The following ZNF277 variants were observed in gnomAD, a reference collection of about 807,000 sequenced individuals.
ZNF277 encodes zinc finger protein 277, also known as nuclear receptor-interacting factor 4.
Under a neutral mutation model 60.7 loss-of-function variants are expected in ZNF277, and 55 were observed. That is an observed-to-expected ratio of 0.91 (90% CI 0.73 to 1.13). The LOEUF is 1.13. Among genes scored for constraint, ZNF277 ranks in the 50% most tolerant of loss-of-function variants. The pLI is 0.00. For synonymous variants in ZNF277, 178 were observed against 179.3 expected, an observed-to-expected ratio of 0.99 and a Z score of 0.06; for missense variants, 510 against 523.0, an observed-to-expected ratio of 0.98 and a Z score of 0.24.
At chr7:112,244,461 T>A (rs1254955558) in intron 1 of ZNF277, among the ~76,000 whole-genome samples, 1 of 152,136 alleles carries the variant, frequency 6.6e-6, no homozygotes, top group Non-Finnish European at 1.5e-5. Context: ...TAAGCACAAT[T>A]TTTTGGTTAT....
In ZNF277 at chr7:112,343,482, T is replaced by G. The variant is rs1793482843; in HGVS notation, c.*753T>G. On this transcript the variant is annotated 3_prime_UTR_variant, in exon 12 of 12. Coordinates refer to ENST00000361822, the MANE Select transcript of ZNF277 (RefSeq NM_021994.3). Reference sequence around the variant, plus strand: ...ATCATCTGTTTTCAGTTTTTCCCACTTGTCTCAAAATGTATGTTTACAATA... The same window carrying G: ...ATCATCTGTTTTCAGTTTTTCCCACGTGTCTCAAAATGTATGTTTACAATA... Among the ~76,000 whole-genome samples the G allele has an allele frequency of 6.6e-6, 1 of 152,196 alleles. No homozygotes were observed. Among genetic ancestry groups the G allele is most frequent in the Admixed American group, 6.5e-5 (1 of 15,276 alleles).
chr7:112,273,549 GA>G (rs1190285736), intron 1 of ZNF277, among the ~76,000 whole-genome samples: 1 of 152,174 alleles, frequency 6.6e-6, no homozygotes, highest in Non-Finnish European at 1.5e-5. Context: ...TGGTTCTTAT[GA>G]AGGTGCATTC....
At chr7:112,303,132 G>A (rs1332099798) in intron 4 of ZNF277, among the ~76,000 whole-genome samples, 1 of 151,686 alleles carries the variant, frequency 6.6e-6, no homozygotes, top group African/African-American at 2.4e-5. Context: ...TATATTTTTA[G>A]TAGAGACAGG....
At chr7:112,305,652 CA>C (rs1347366487) in intron 4 of ZNF277, among the ~76,000 whole-genome samples, 1 of 151,802 alleles carries the variant, frequency 6.6e-6, no homozygotes, top group Non-Finnish European at 1.5e-5. Flanking sequence ...GTATCCAAGT[CA>C]ACTGTTTTCA....
chr7:112,227,586 T>C (rs1161703084), intron 1 of ZNF277, among the ~76,000 whole-genome samples: 1 of 152,196 alleles, frequency 6.6e-6, no homozygotes, highest in Non-Finnish European at 1.5e-5. Flanking sequence ...CAGTTCACCA[T>C]GTAGGGAGAA....
chr7:112,341,007 C>G lies in ZNF277; in HGVS notation c.1145C>G (p.Thr382Ser). Residue 382 changes from threonine to serine, a missense_variant, in exon 11 of 12, where the codon ACT becomes AGT. Coordinates refer to ENST00000361822, the MANE Select transcript of ZNF277 (RefSeq NM_021994.3). ...LRTHMEETKH[T>S]SLLPDRKTWD... The stretch of plus-strand genomic sequence containing the variant: ...ACTCACATGGAAGAAACTAAACACA[C>G]TTCGCTGCTCCCCGATAGAAAGACG... 1.2e-6 allele frequency: 2 copies of G among 1,603,298 alleles called. No homozygotes were observed. The highest frequency in any genetic ancestry group is 1.7e-6 in the Non-Finnish European group (2 of 1,176,266).
chr7:112,206,951 C>A, intron 1 of ZNF277, 144 bp downstream of exon 1: 1 of 750,118 alleles, frequency 1.3e-6, no homozygotes, highest in Non-Finnish European at 2.0e-6. Context: ...GGTGGCCCAG[C>A]GGGATGGGTT....
chr7:112,319,358 G>A (rs952459141), intron 5 of ZNF277, among the ~76,000 whole-genome samples: 1 of 151,968 alleles, frequency 6.6e-6, no homozygotes, highest in Admixed American at 6.6e-5. Flanking sequence ...TAGAAACTTT[G>A]TGCTAGGGAC....
At chr7:112,292,623 A>G (rs1178773169) in intron 2 of ZNF277, among the ~76,000 whole-genome samples, 2 of 152,138 alleles carry the variant, frequency 1.3e-5, no homozygotes, top group Non-Finnish European at 2.9e-5. Context: ...ATTCGTCCCC[A>G]CATGACACTA....
intron 6 of ZNF277, among the ~76,000 whole-genome samples, chr7:112,329,232 T>C (rs1039230773): frequency 1.3e-5 from 2 of 152,214 alleles, no homozygotes; most frequent in Non-Finnish European, 2.9e-5. Flanking sequence ...GTTTCCCATG[T>C]AAAATATATT....
intron 4 of ZNF277, among the ~76,000 whole-genome samples, chr7:112,297,344 CT>C (rs1233233421): frequency 6.6e-6 from 1 of 152,134 alleles, no homozygotes. Flanking sequence ...TTGAAGTTGA[CT>C]TGCTGTTCCT....
At chr7:112,246,354 A>C (rs1401335492) in intron 1 of ZNF277, among the ~76,000 whole-genome samples, 1 of 152,158 alleles carries the variant, frequency 6.6e-6, no homozygotes, top group East Asian at 1.9e-4. Flanking sequence ...TGATCATGCC[A>C]CTGCACTCCA....
At chr7:112,248,553 G>A (rs930152152) in intron 1 of ZNF277, among the ~76,000 whole-genome samples, 16 of 151,864 alleles carry the variant, frequency 1.1e-4, no homozygotes, top group Non-Finnish European at 7.4e-5. Context: ...ACACTAGAAA[G>A]TATAAAGGAA....
At chr7:112,226,919 C>T (rs772736638) in intron 1 of ZNF277, among the ~76,000 whole-genome samples, 7 of 152,080 alleles carry the variant, frequency 4.6e-5, no homozygotes, top group Non-Finnish European at 1.0e-4. Context: ...TTGTTATTCA[C>T]TCCTATTAGC....
intron 7 of ZNF277, among the ~76,000 whole-genome samples, chr7:112,333,563 A>G (rs1015590994): frequency 6.6e-6 from 1 of 152,186 alleles, no homozygotes; most frequent in East Asian, 1.9e-4. Context: ...CAGCGCAACA[A>G]TGATGGGAAC....
chr7:112,299,267 G>C (rs1792421243), intron 4 of ZNF277, among the ~76,000 whole-genome samples: 2 of 152,156 alleles, frequency 1.3e-5, no homozygotes, highest in African/African-American at 2.4e-5. Flanking sequence ...TTACAAATCA[G>C]TAAGAAGCAT....
chr7:112,239,903 A>G (rs1032366634), intron 1 of ZNF277, among the ~76,000 whole-genome samples: 1 of 152,224 alleles, frequency 6.6e-6, no homozygotes, highest in African/African-American at 2.4e-5. Flanking sequence ...CAGACAGTAT[A>G]ATAAGATCTA....
At chr7:112,223,762 C>T (rs548250117) in intron 1 of ZNF277, among the ~76,000 whole-genome samples, 58 of 152,214 alleles carry the variant, frequency 3.8e-4, no homozygotes, top group Middle Eastern at 3.4e-3. Context: ...ACTGTCTTGC[C>T]GACCCAGAAT....
At chr7:112,208,229 G>C (rs1277242096) in intron 1 of ZNF277, among the ~76,000 whole-genome samples, 1 of 152,060 alleles carries the variant, frequency 6.6e-6, no homozygotes, top group East Asian at 1.9e-4. Flanking sequence ...ACAAAAATTA[G>C]CCGGGCGTGG....
Sources: gnomAD v4.1 joint callset for allele counts (sites outside exome capture counted in the v4.1 genomes callset) on GRCh38, gnomAD v4.1.1 for gene constraint, MANE v1.5 for transcripts, NCBI Gene and HGNC (gene_info 2026-07-23, HGNC 2026-07-21) for gene names.